The following BEND5 variants were observed in gnomAD, a reference collection of about 807,000 sequenced individuals.
BEND5 encodes the protein BEN domain-containing protein 5.
Under a neutral mutation model 43.9 loss-of-function variants are expected in BEND5, and 22 were observed. The observed-to-expected ratio is 0.50, with a 90% CI of 0.36 to 0.72. The LOEUF is 0.72. Among genes scored for constraint, BEND5 ranks in the 30% least tolerant of loss-of-function variants. BEND5 has a pLI of 0.00. For missense variants in BEND5, 428 were observed against 550.6 expected (o/e 0.78, Z 2.23); for synonymous variants, 228 against 225.9 (o/e 1.01, Z -0.08).
rs371459284 is a variant in BEND5, at chr1:48,742,613, A to C, written c.894+10T>G. Reference sequence around the variant, plus strand: ...CTTGCAGGGAATGGATATTGAGCTTAAAACACTACCTTGCCATTGTCTAGG... The same window carrying C: ...CTTGCAGGGAATGGATATTGAGCTTCAAACACTACCTTGCCATTGTCTAGG... On this transcript the variant is annotated intron_variant, in intron 4 of 5. Transcript: ENST00000371833. The C allele has an allele frequency of 1.9e-6, 3 of 1,540,972 alleles. No individual in the cohort carries two copies. Among genetic ancestry groups the C allele is most frequent in the African/African-American group, 2.8e-5 (2 of 72,488 alleles).
chr1:48,749,588 C>T (rs1262785256), intron 3 of BEND5, among the ~76,000 whole-genome samples: 1 of 152,184 alleles, frequency 6.6e-6, no homozygotes, highest in Non-Finnish European at 1.5e-5. Flanking sequence ...AGCTTCTTGC[C>T]TAATGCTCAC....
At chr1:48,731,467 A>G (rs983557393) in intron 5 of BEND5, among the ~76,000 whole-genome samples, 5 of 152,192 alleles carry the variant, frequency 3.3e-5, no homozygotes, top group African/African-American at 4.8e-5. Context: ...GGAGGCAAAG[A>G]TACAGTAAGA....
intron 5 of BEND5, among the ~76,000 whole-genome samples, chr1:48,729,856 T>C (rs1177781776): frequency 6.6e-6 from 1 of 152,074 alleles, no homozygotes; most frequent in Non-Finnish European, 1.5e-5. Context: ...CAAGCCTGAC[T>C]AATCCTCACT....
intron 5 of BEND5, among the ~76,000 whole-genome samples, chr1:48,732,941 G>T (rs1168040832): frequency 6.6e-6 from 1 of 152,214 alleles, no homozygotes; most frequent in Admixed American, 6.5e-5. Context: ...CTCAGTGAAG[G>T]AGGAATGATC....
At chr1:48,764,874 T>A (rs1295662806) in intron 1 of BEND5, among the ~76,000 whole-genome samples, 3 of 152,226 alleles carry the variant, frequency 2.0e-5, no homozygotes, top group Non-Finnish European at 4.4e-5. Context: ...GACTGCCTGC[T>A]GGCTTCTGCT....
chr1:48,758,483 C>T (rs142456240), intron 3 of BEND5, among the ~76,000 whole-genome samples: 22 of 152,324 alleles, frequency 1.4e-4, no homozygotes, highest in African/African-American at 5.1e-4. Flanking sequence ...ATTTTGTCAG[C>T]ATTCTCCTTT....
intron 4 of BEND5, among the ~76,000 whole-genome samples, chr1:48,738,246 C>A (rs1425285057): frequency 6.6e-6 from 1 of 152,212 alleles, no homozygotes; most frequent in Non-Finnish European, 1.5e-5. Context: ...CAACAATCTA[C>A]CTGCACGTCT....
At position 48,757,792 on chromosome 1, in the gene BEND5, T is replaced by C. The variant is rs141586585; in HGVS notation, c.745+1108A>G. 1.7e-4 allele frequency among the ~76,000 whole-genome samples: 26 copies of C among 152,222 alleles called. No homozygotes were observed. The East Asian group carries it at 3.1e-3, about 18-fold the overall frequency. On this transcript the variant is annotated intron_variant, in intron 3 of 5. Coordinates refer to ENST00000371833, the MANE Select transcript of BEND5 (RefSeq NM_024603.4). ...AATGAAAACCTTCACAAGGGCAAAA[T>C]TGTATTTTATTTAAACTTTGGGGAT...
At chr1:48,751,989 A>C (rs747640067) in intron 3 of BEND5, among the ~76,000 whole-genome samples, 7 of 152,224 alleles carry the variant, frequency 4.6e-5, no homozygotes, top group Non-Finnish European at 1.0e-4. Flanking sequence ...AAGATGACTG[A>C]TATTTTTCAG....
intron 2 of BEND5, among the ~76,000 whole-genome samples, chr1:48,760,176 G>C (rs1644179572): frequency 6.6e-6 from 1 of 152,168 alleles, no homozygotes; most frequent in African/African-American, 2.4e-5. Context: ...AATTATCCAG[G>C]ACCCCCTCCA....
chr1:48,749,807 A>G (rs1046286564), intron 3 of BEND5, among the ~76,000 whole-genome samples: 1 of 152,168 alleles, frequency 6.6e-6, no homozygotes, highest in Non-Finnish European at 1.5e-5. Context: ...CTGTGCCCAG[A>G]GAGTATCCAA....
chr1:48,768,960 A>G (rs1359129875), intron 1 of BEND5, among the ~76,000 whole-genome samples: 1 of 152,246 alleles, frequency 6.6e-6, no homozygotes, highest in Non-Finnish European at 1.5e-5. Context: ...AGCCAAGACT[A>G]CAAAAAAAAG....
chr1:48,730,080 G>A (rs889477345), intron 5 of BEND5, among the ~76,000 whole-genome samples: 17 of 152,136 alleles, frequency 1.1e-4, no homozygotes, highest in Admixed American at 1.0e-3. Context: ...ATCAGACTGA[G>A]TTAGGAGACC....
At position 48,776,820 on chromosome 1, in the gene BEND5, A is replaced by G; in HGVS notation, c.12T>C (p.Phe4=). 4.0e-6 allele frequency: 6 copies of G among 1,515,570 alleles called. No individual in the cohort carries two copies. Among genetic ancestry groups the G allele is most frequent in the Non-Finnish European group, 5.3e-6 (6 of 1,133,066 alleles). The allele number at this position is 1,515,570 out of a possible 1,614,324, so 93.9% of individuals were successfully genotyped here. Residue 4 remains phenylalanine (F), a synonymous_variant, in exon 1 of 6, where the codon TTT becomes TTC. Coordinates refer to ENST00000371833, the MANE Select transcript of BEND5 (RefSeq NM_024603.4). The part of the protein sequence containing the change: MYA[F]VRFLEDNVCY... ...AGACGTTGTCCTCCAGGAACCGCAC[A>G]AAGGCGTACATGGTGGGCGCCGGGG...
At chr1:48,769,707 C>G (rs886944523) in intron 1 of BEND5, among the ~76,000 whole-genome samples, 5 of 152,124 alleles carry the variant, frequency 3.3e-5, no homozygotes, top group Admixed American at 6.5e-5. Context: ...TAGTTCCTAA[C>G]AGTTATCTAT....
chr1:48,744,161 C>T (rs1280697757), intron 3 of BEND5, among the ~76,000 whole-genome samples: 11 of 152,170 alleles, frequency 7.2e-5, no homozygotes, highest in Admixed American at 7.2e-4. Context: ...TCTGACAGCA[C>T]CTCCCAATTA....
intron 5 of BEND5, among the ~76,000 whole-genome samples, chr1:48,729,651 C>T (rs1486328475): frequency 6.6e-6 from 1 of 152,104 alleles, no homozygotes; most frequent in Admixed American, 6.5e-5. Context: ...TCCACTGCTA[C>T]CTGCCCATAT....
chr1:48,758,324 G>C (rs1042534234), intron 3 of BEND5, among the ~76,000 whole-genome samples: 4 of 152,078 alleles, frequency 2.6e-5, no homozygotes, highest in African/African-American at 9.7e-5. Context: ...CTCTTAGTGT[G>C]CTCCAGGTAT....
intron 5 of BEND5, among the ~76,000 whole-genome samples, chr1:48,734,135 A>C (rs1438308721): frequency 3.3e-5 from 5 of 152,194 alleles, no homozygotes; most frequent in Non-Finnish European, 7.3e-5. Flanking sequence ...GACAGCAGCA[A>C]GACGAAAGGT....
Sources: allele counts gnomAD v4.1 joint callset (sites outside exome capture counted in the v4.1 genomes callset), GRCh38; gene constraint gnomAD v4.1.1; transcripts MANE v1.5; gene names NCBI Gene and HGNC (gene_info 2026-07-23, HGNC 2026-07-21).